The following LRRK1 variants were observed in gnomAD, a reference collection of about 807,000 sequenced individuals.
LRRK1 encodes the protein leucine-rich repeat serine/threonine-protein kinase 1.
Under a neutral mutation model 209.1 loss-of-function variants are expected in LRRK1, and 113 were observed. That is an observed-to-expected ratio of 0.54 (90% CI 0.46 to 0.63). The LOEUF is 0.63. LRRK1 is among the 30% of genes least tolerant of loss of function. The pLI, the probability that LRRK1 is intolerant of heterozygous loss-of-function variation, is 0.00. For missense variants in LRRK1, 2,284 were observed against 2,632.2 expected (o/e 0.87, Z 2.89); for synonymous variants, 1,144 against 1,099.7 (o/e 1.04, Z -0.80).
intron 24 of LRRK1, 37 bp from the exon 25 acceptor site, chr15:101,052,885 C>G: frequency 1.3e-6 from 2 of 1,591,956 alleles, no homozygotes; most frequent in Non-Finnish European, 1.7e-6. Context: ...CGCATCAGGG[C>G]GGGGGGGATG....
intron 2 of LRRK1, among the ~76,000 whole-genome samples, chr15:100,933,424 C>T (rs952550486): frequency 7.9e-5 from 12 of 152,170 alleles, no homozygotes; most frequent in Admixed American, 5.2e-4. Context: ...CTTCTGCTTT[C>T]GCTATAGTTT....
rs2033430021 is a variant in LRRK1, at chr15:101,014,425, G to C, written c.1529G>C (p.Gly510Ala). 1.2e-6 allele frequency: 2 copies of C among 1,609,466 alleles called. No individual in the cohort carries two copies. Among genetic ancestry groups the C allele is most frequent in the East Asian group, 4.5e-5 (2 of 44,860 alleles). ...CTGGATCTCTCCAGAAACCAACTTGGCAAGTAAGCAGGGGCCTCTCCTCCC... is the reference window on the plus strand; with the variant it reads ...CTGGATCTCTCCAGAAACCAACTTGCCAAGTAAGCAGGGGCCTCTCCTCCC... ...KTLDLSRNQLGKNEDGLKTKR... is the reference protein window; with the variant it reads ...KTLDLSRNQLAKNEDGLKTKR... Residue 510 changes from glycine (G) to alanine (A), a missense_variant, in exon 11 of 34, where the codon GGC becomes GCC. Gly to Ala is a moderately conservative substitution (Grantham distance 60). Transcript: ENST00000388948.
At chr15:101,009,951 G>GA (rs1296645226) in intron 7 of LRRK1, among the ~76,000 whole-genome samples, 7 of 152,194 alleles carry the variant, frequency 4.6e-5, no homozygotes, top group Non-Finnish European at 7.3e-5. Flanking sequence ...TTTTTAAAAT[G>GA]AAAAACCAAG....
At chr15:101,060,181 C>T (rs1053158154) in intron 29 of LRRK1, among the ~76,000 whole-genome samples, 1 of 152,078 alleles carries the variant, frequency 6.6e-6, no homozygotes, top group Non-Finnish European at 1.5e-5. Context: ...AGGATGGAAC[C>T]GGACTTGACT....
intron 6 of LRRK1, 94 bp from the exon 7 acceptor site, chr15:101,008,743 G>T: frequency 1.0e-6 from 1 of 961,610 alleles, no homozygotes; most frequent in South Asian, 1.5e-5. Context: ...CAGGCACACA[G>T]ACGCGCATTT....
chr15:101,066,644 G>A lies in LRRK1; in HGVS notation c.5773G>A (p.Gly1925Ser), dbSNP rs369056591. The change falls in exon 33 of 34, where the codon GGT (glycine) becomes AGT (serine). Residue 1925 changes from glycine (G) to serine (S), a missense_variant. By Grantham distance (56) the Gly-to-Ser change is moderately conservative. This residue lies in a region of LRRK1 where 643 missense variants were observed against 695.9 expected (regional missense o/e 0.92). Transcript: ENST00000388948. The stretch of plus-strand genomic sequence containing the variant: ...TTCTGGGTTTTGGTTGCTTAGGCGC[G>A]GTGGAGATGTTATCGTCATTGGCCT... ...VRDLIWVPRRGGDVIVIGLEK... is the reference protein window; with the variant it reads ...VRDLIWVPRRSGDVIVIGLEK... The A allele has an allele frequency of 1.4e-5, 23 of 1,614,024 alleles. No individual in the cohort carries two copies. Among genetic ancestry groups the A allele is most frequent in the Admixed American group, 6.7e-5 (4 of 60,004 alleles).
At position 100,919,517 on chromosome 15, in the gene LRRK1, C is replaced by A. The variant is rs112308181; in HGVS notation, c.-123+66C>A. The A allele has an allele frequency of 0.29, 43,035 of 146,906 alleles. 6,694 individuals are homozygous for A. The highest frequency in any genetic ancestry group is 0.49 in the South Asian group (2,449 of 4,980). The allele number at this position is 146,906 out of a possible 1,614,324, so 9.1% of individuals were successfully genotyped here. A position where few individuals can be genotyped will look rare whatever the true frequency, so the allele number is the denominator to read the frequency against. On this transcript the variant is annotated intron_variant, in intron 1 of 33. Coordinates refer to ENST00000388948, the MANE Select transcript of LRRK1 (RefSeq NM_024652.6). This position sits in a 1 kb window ranked among gnomAD's most constrained non-coding sequence, Gnocchi z 5.8. Reference sequence around the variant, plus strand: ...GCCTCCCGGCCCCGCCCGGGGAACCCAGAGCCCGCGCCCGGCGCCCGCGGG... The same window carrying A: ...GCCTCCCGGCCCCGCCCGGGGAACCAAGAGCCCGCGCCCGGCGCCCGCGGG...
chr15:100,923,658 G>A (rs1196226421), intron 1 of LRRK1, among the ~76,000 whole-genome samples: 2 of 152,180 alleles, frequency 1.3e-5, no homozygotes, highest in South Asian at 2.1e-4. Context: ...CTCAGTGGGG[G>A]CCCAGCATAG....
chr15:101,014,953 G>T (rs1267970185), intron 11 of LRRK1, among the ~76,000 whole-genome samples: 1 of 152,200 alleles, frequency 6.6e-6, no homozygotes, highest in African/African-American at 2.4e-5. Flanking sequence ...CTGTAATTCT[G>T]TTCAAAAGTC....
At chr15:101,029,347 C>A in intron 20 of LRRK1, 115 bp downstream of exon 20, 1 of 1,085,566 alleles carries the variant, frequency 9.2e-7, no homozygotes, top group Non-Finnish European at 1.3e-6. Flanking sequence ...GCTGCCACTG[C>A]TGCCCCCTAC....
chr15:100,962,233 AT>A (rs2030028722), intron 2 of LRRK1, among the ~76,000 whole-genome samples: 2 of 152,198 alleles, frequency 1.3e-5, no homozygotes, highest in African/African-American at 4.8e-5. Context: ...AAATAGAAAT[AT>A]TTTTAAAACT....
Position 100,983,714 on chromosome 15 carries a change from A to G in LRRK1, c.433+15A>G. On this transcript the variant is annotated intron_variant, in intron 4 of 33. Transcript: ENST00000388948. ...GTCCTTACCAGGTAAATCACAGGGC[A>G]TGAGCTCTTAACCGTGTCTCAGGGC... 1.2e-6 allele frequency: 2 copies of G among 1,610,686 alleles called. No homozygotes were observed. Among genetic ancestry groups the G allele is most frequent in the African/African-American group, 2.7e-5 (2 of 74,930 alleles).
At chr15:100,931,424 T>G (rs1434935588) in intron 2 of LRRK1, among the ~76,000 whole-genome samples, 1 of 152,212 alleles carries the variant, frequency 6.6e-6, no homozygotes, top group Non-Finnish European at 1.5e-5. Context: ...GAGAACATCT[T>G]AATCGATTAT....
intron 1 of LRRK1, among the ~76,000 whole-genome samples, chr15:100,924,275 AT>A (rs1046671956): frequency 6.6e-6 from 1 of 151,966 alleles, no homozygotes; most frequent in Non-Finnish European, 1.5e-5. Flanking sequence ...GTGTTTTCCA[AT>A]TGTCTGGGGT....
Position 100,988,622 on chromosome 15 carries a change from A to G in LRRK1, c.434-12A>G. 3 of 1,614,046 alleles carry G rather than the reference A, an allele frequency of 1.9e-6. No individual in the cohort carries two copies. The highest frequency in any genetic ancestry group is 2.5e-6 in the Non-Finnish European group (3 of 1,180,014). On this transcript the variant is annotated splice_polypyrimidine_tract_variant and intron_variant, in intron 4 of 33. Transcript: ENST00000388948. ...AGTGGCACTTTCCCTTTGTCCTGCC[A>G]TCTCCTGCCAGGTCCCTGCAGTCCC...
At position 101,066,062 on chromosome 15, in the gene LRRK1, C is replaced by T. The variant is rs376376580; in HGVS notation, c.5625C>T (p.Cys1875=). The T allele has an allele frequency of 5.2e-5, 84 of 1,614,064 alleles. No homozygotes were observed. Among genetic ancestry groups the T allele is most frequent in the South Asian group, 9.9e-5 (9 of 91,086 alleles). Residue 1875 remains cysteine (C), a synonymous_variant, in exon 32 of 34, where the codon TGC becomes TGT. Transcript: ENST00000388948. ...SSSSVPFSTD[C]EDSDMLHTPG... is the part of the protein sequence containing the mutation. ...CCAGTGTGCCTTTCTCCACCGACTG[C>T]GAGGACTCAGACATGCTACATACGC...
intron 13 of LRRK1, 22 bp downstream of exon 13, chr15:101,021,204 C>T: frequency 6.2e-7 from 1 of 1,613,476 alleles, no homozygotes; most frequent in Non-Finnish European, 8.5e-7. Context: ...TCTGGAGGGG[C>T]CGTGCTGGCT....
chr15:100,969,673 G>GT (rs1055699214), intron 2 of LRRK1, among the ~76,000 whole-genome samples: 1 of 152,040 alleles, frequency 6.6e-6, no homozygotes. Context: ...CAGGTGCCCA[G>GT]TGTGTGTTGT....
At chr15:101,038,379 A>G (rs2034584185) in intron 20 of LRRK1, among the ~76,000 whole-genome samples, 1 of 152,218 alleles carries the variant, frequency 6.6e-6, no homozygotes, top group South Asian at 2.1e-4. Flanking sequence ...ATTAAAAATT[A>G]AAATATAAAT....
Sources: gnomAD v4.1 joint callset for allele counts (sites outside exome capture counted in the v4.1 genomes callset) on GRCh38, gnomAD v4.1.1 for gene constraint, gnomAD v4.1.1 regional missense constraint, Gnocchi (gnomAD v3.1) non-coding constraint, MANE v1.5 for transcripts, NCBI Gene and HGNC (gene_info 2026-07-23, HGNC 2026-07-21) for gene names.